The following MTA1 variants were observed in gnomAD, a reference collection of about 807,000 sequenced individuals.
MTA1 encodes the protein metastasis-associated protein MTA1.
In MTA1, 15 loss-of-function variants were observed where a neutral mutation model predicts 97.0. The observed-to-expected ratio is 0.15, with a 90% CI of 0.10 to 0.24. The LOEUF (loss-of-function observed/expected upper bound fraction) is 0.24. MTA1 is among the 10% of genes least tolerant of loss of function. The probability of loss-of-function intolerance (pLI) is 1.00; values close to 1 mark genes in which losing one functional copy is unlikely to be tolerated. For synonymous variants in MTA1, 435 were observed against 417.5 expected (o/e 1.04, Z -0.51); for missense variants, 709 against 1,015.1 (o/e 0.70, Z 4.10).
intron 18 of MTA1, chr14:105,468,468 C>G: frequency 1.0e-6 from 1 of 960,228 alleles, no homozygotes; most frequent in Non-Finnish European, 1.5e-6. Flanking sequence ...TGGGCCCCCA[C>G]CTGACCCTGC....
At chr14:105,436,193 C>T (rs1328589245) in intron 1 of MTA1, among the ~76,000 whole-genome samples, 2 of 152,262 alleles carry the variant, frequency 1.3e-5, no homozygotes, top group South Asian at 4.1e-4. Context: ...CACTTGAACC[C>T]GGGAGGCGGA....
At chr14:105,421,235 A>G (rs1595237570) in intron 1 of MTA1, among the ~76,000 whole-genome samples, 1 of 152,030 alleles carries the variant, frequency 6.6e-6, no homozygotes, top group Non-Finnish European at 1.5e-5. Flanking sequence ...AGCCCCTCCC[A>G]CAGCCTCATA....
intron 1 of MTA1, among the ~76,000 whole-genome samples, chr14:105,425,970 C>A (rs2081999252): frequency 6.6e-6 from 1 of 152,104 alleles, no homozygotes; most frequent in African/African-American, 2.4e-5. Context: ...CTCAGAGCCG[C>A]CCGGCAGCCT....
intron 1 of MTA1, among the ~76,000 whole-genome samples, chr14:105,432,263 C>T (rs781885025): frequency 4.6e-5 from 7 of 151,958 alleles, no homozygotes; most frequent in Non-Finnish European, 8.8e-5. Flanking sequence ...ATTTTTGAGA[C>T]GGAGTCTTGC....
At chr14:105,448,726 G>A (rs2082805440) in intron 3 of MTA1, among the ~76,000 whole-genome samples, 1 of 152,136 alleles carries the variant, frequency 6.6e-6, no homozygotes, top group African/African-American at 2.4e-5. Context: ...GGCCCAGCAT[G>A]GCTGCTCCCA....
chr14:105,436,470 C>T (rs1183063550), intron 1 of MTA1, among the ~76,000 whole-genome samples: 4 of 152,200 alleles, frequency 2.6e-5, no homozygotes, highest in African/African-American at 4.8e-5. Flanking sequence ...TGTTGTTGTA[C>T]CACAGTCATG....
At chr14:105,461,332 T>C (rs1306328551) in intron 10 of MTA1, among the ~76,000 whole-genome samples, 1 of 152,224 alleles carries the variant, frequency 6.6e-6, no homozygotes, top group Non-Finnish European at 1.5e-5. Context: ...AAGCTGAACC[T>C]CTTGACTCCT....
rs1555431523 is a variant in MTA1, at chr14:105,463,429, G to A, written c.1018-64G>A. 1.9e-6 allele frequency: 3 copies of A among 1,578,580 alleles called. No individual in the cohort carries two copies. The highest frequency in any genetic ancestry group is 2.6e-6 in the Non-Finnish European group (3 of 1,149,096). On this transcript the variant is annotated intron_variant, in intron 11 of 20. Coordinates refer to ENST00000331320, the MANE Select transcript of MTA1 (RefSeq NM_004689.4). This position sits in a 1 kb window ranked among gnomAD's most constrained non-coding sequence, Gnocchi z 5.9. ...CTCTCCTCTCCGTAGCCTCCAGCCT[G>A]TCTGCACTGCAGCCCCAACCTGGGC...
At position 105,464,875 on chromosome 14, in the gene MTA1, C is replaced by A; in HGVS notation, c.1534+12C>A. 1 of 1,554,310 alleles carries A rather than the reference C, an allele frequency of 6.4e-7. No homozygotes were observed. On this transcript the variant is annotated intron_variant, in intron 15 of 20. Transcript: ENST00000331320. Reference sequence around the variant, plus strand: ...CATCAAGGCCGAGTGTGAGTCACCCCAACGCCCCGCTTACTCTGTTCCTGC... The same window carrying A: ...CATCAAGGCCGAGTGTGAGTCACCCAAACGCCCCGCTTACTCTGTTCCTGC...
At chr14:105,438,647 G>A (rs2082403022) in intron 1 of MTA1, 25 bp from the exon 2 acceptor site, 2 of 1,611,254 alleles carry the variant, frequency 1.2e-6, no homozygotes, top group Non-Finnish European at 1.7e-6. Flanking sequence ...GCCACAGGTG[G>A]CACTCTCTCT....
At chr14:105,450,037 C>G (rs1567025086) in intron 4 of MTA1, 21 bp from the exon 5 acceptor site, 1 of 1,613,414 alleles carries the variant, frequency 6.2e-7, no homozygotes. Flanking sequence ...GCGGTGCTGA[C>G]AGGGGCTCCT....
At chr14:105,445,622 C>T in intron 3 of MTA1, 111 bp downstream of exon 3, 3 of 1,082,842 alleles carry the variant, frequency 2.8e-6, no homozygotes, top group Non-Finnish European at 2.8e-6. Context: ...GTGGGGCCAC[C>T]CTCTGCCCAA....
chr14:105,453,752 A>G (rs1459095294), intron 6 of MTA1, among the ~76,000 whole-genome samples: 6 of 152,206 alleles, frequency 3.9e-5, no homozygotes, highest in Non-Finnish European at 7.3e-5. Context: ...CGGAGGTTGC[A>G]GTGAGCCGAG....
Position 105,460,406 on chromosome 14 carries a change from A to T in MTA1, c.702A>T (p.Arg234=). 6.2e-7 allele frequency: 1 copy of T among 1,611,810 alleles called. No homozygotes were observed. Among genetic ancestry groups the T allele is most frequent in the Non-Finnish European group, 8.5e-7 (1 of 1,179,478 alleles). ...CCCTGGACTGCAGCAGCTCCGTCCGACAGCCCAGCCTGCACATGAGCGCCG... is the reference window on the plus strand; with the variant it reads ...CCCTGGACTGCAGCAGCTCCGTCCGTCAGCCCAGCCTGCACATGAGCGCCG... ...ARALDCSSSV[R]QPSLHMSAAA... The change falls in exon 9 of 21, where the codon CGA becomes CGT. Residue 234 remains arginine, a synonymous_variant. Transcript: ENST00000331320.
chr14:105,466,786 G>A (rs782750440), intron 18 of MTA1, 44 bp downstream of exon 18: 31 of 1,529,192 alleles, frequency 2.0e-5, no homozygotes, highest in African/African-American at 6.9e-5. Flanking sequence ...GGCCCCGCCC[G>A]TGATGCCTGT....
At chr14:105,468,738 C>T (rs587745041) in intron 18 of MTA1, among the ~76,000 whole-genome samples, 36 of 152,324 alleles carry the variant, frequency 2.4e-4, no homozygotes, top group African/African-American at 7.9e-4. Flanking sequence ...TGCTGGGAGC[C>T]GAGCCATCCT....
rs587775465 is a variant in MTA1 at position 105,466,630 on chromosome 14, G to T, written c.1777+52G>T. 20 of 1,576,902 alleles carry T rather than the reference G, an allele frequency of 1.3e-5. No homozygotes were observed. In the Middle Eastern group the frequency reaches 5.1e-4, roughly 40 times the overall value. ...GTGGCCCTCCCCGCCCGGTGAGTCC[G>T]GCCCGTCCCCGCCCGGGCACCCGCC... On this transcript the variant is annotated intron_variant, in intron 17 of 20. Transcript: ENST00000331320.
At position 105,441,748 on chromosome 14, in the gene MTA1, CCCGCCACT is replaced by C. The variant is rs2082536248; in HGVS notation, c.96+3010_96+3017del. On this transcript the variant is annotated intron_variant, in intron 2 of 20. Coordinates refer to ENST00000331320, the MANE Select transcript of MTA1 (RefSeq NM_004689.4). ...GGTGGAGCTTGCAGTGAGCCGAGAT[CCCGCCACT>C]ACACTCCAGCCTGGGCGACAGAGCG... 1.3e-5 allele frequency among the ~76,000 whole-genome samples: 2 copies of C among 152,102 alleles called. 1 individual carries two copies. Among genetic ancestry groups the C allele is most frequent in the South Asian group, 4.1e-4 (2 of 4,824 alleles).
At chr14:105,432,344 A>G (rs1317216604) in intron 1 of MTA1, among the ~76,000 whole-genome samples, 1 of 151,970 alleles carries the variant, frequency 6.6e-6, no homozygotes, top group Non-Finnish European at 1.5e-5. Flanking sequence ...GGGTTCAAGC[A>G]ATTATCCTGC....
Sources: gnomAD v4.1 joint callset for allele counts (sites outside exome capture counted in the v4.1 genomes callset) on GRCh38, gnomAD v4.1.1 for gene constraint, Gnocchi (gnomAD v3.1) non-coding constraint, MANE v1.5 for transcripts, NCBI Gene and HGNC (gene_info 2026-07-23, HGNC 2026-07-21) for gene names.